NDUFS4: variants seen among roughly 807,000 people sequenced by gnomAD.
The protein encoded by NDUFS4 is NADH:ubiquinone oxidoreductase subunit S4, also known as NADH dehydrogenase [ubiquinone] iron-sulfur protein 4, mitochondrial.
Under a neutral mutation model 24.3 loss-of-function variants are expected in NDUFS4, and 28 were observed. The observed-to-expected ratio is 1.15, with a 90% CI of 0.85 to 1.58. The LOEUF (loss-of-function observed/expected upper bound fraction) is 1.58. Ranked by LOEUF, NDUFS4 falls within the 40% of genes most tolerant of loss-of-function variation. NDUFS4 has a pLI of 0.00. For missense variants in NDUFS4, 223 were observed against 207.9 expected, an observed-to-expected ratio of 1.07 and a Z score of -0.45; for synonymous variants, 93 against 69.7, an observed-to-expected ratio of 1.34 and a Z score of -1.67.
rs552844341 is a variant in NDUFS4, at chr5:53,622,188, G to A, written c.177+18658G>A. On this transcript the variant is annotated intron_variant, in intron 2 of 4. Transcript: ENST00000296684. ...AGAGCCTTATTTAACATGTCTTACA[G>A]TGCTGTTCTGTTGGGCAGAAATCTC... 2.6e-5 allele frequency among the ~76,000 whole-genome samples: 4 copies of A among 152,090 alleles called. No individual in the cohort carries two copies. In the South Asian group the frequency reaches 6.2e-4, roughly 24 times the overall value.
At chr5:53,619,167 A>C (rs1750947390) in intron 2 of NDUFS4, among the ~76,000 whole-genome samples, 2 of 150,228 alleles carry the variant, frequency 1.3e-5, no homozygotes, top group Admixed American at 6.7e-5. Context: ...TAAGGCATAG[A>C]CATATCAAAA....
chr5:53,592,662 T>A (rs1042931283), intron 1 of NDUFS4, among the ~76,000 whole-genome samples: 1 of 152,228 alleles, frequency 6.6e-6, no homozygotes, highest in African/African-American at 2.4e-5. Context: ...CATTATTGGA[T>A]TGCCCTTGTT....
rs563891595 is a variant in NDUFS4, at chr5:53,625,098, A to C, written c.178-21135A>C. ...GTAGCTGGGAATATAGGCACACACC[A>C]CTATACCCAGATAGTTTTGGCTTTA... On this transcript the variant is annotated intron_variant, in intron 2 of 4. Coordinates refer to ENST00000296684, the MANE Select transcript of NDUFS4 (RefSeq NM_002495.4). Among the ~76,000 whole-genome samples, 12 of 152,078 alleles carry C rather than the reference A, an allele frequency of 7.9e-5. No individual in the cohort carries two copies. In the South Asian group the frequency reaches 2.5e-3, roughly 32 times the overall value.
intron 2 of NDUFS4, among the ~76,000 whole-genome samples, chr5:53,606,872 A>G (rs1238902101): frequency 6.6e-6 from 1 of 152,264 alleles, no homozygotes; most frequent in African/African-American, 2.4e-5. Context: ...TAGTATTTGC[A>G]TATAACCTAT....
chr5:53,614,666 A>G (rs536663488), intron 2 of NDUFS4, among the ~76,000 whole-genome samples: 3 of 152,130 alleles, frequency 2.0e-5, no homozygotes, highest in Non-Finnish European at 4.4e-5. Flanking sequence ...ATAGACCTGT[A>G]GTATGCTAGT....
chr5:53,587,327 T>A (rs372327097), intron 1 of NDUFS4, among the ~76,000 whole-genome samples: 151 of 152,284 alleles, frequency 9.9e-4, no homozygotes, highest in African/African-American at 3.5e-3. Flanking sequence ...TTGCTTTCAA[T>A]TTTTTAACTT....
intron 4 of NDUFS4, among the ~76,000 whole-genome samples, chr5:53,679,662 G>A (rs1487881517): frequency 2.0e-5 from 3 of 152,198 alleles, no homozygotes; most frequent in Non-Finnish European, 4.4e-5. Context: ...GGGTAATTGA[G>A]TGAATGAGAG....
At chr5:53,678,913 A>G (rs903259738) in intron 4 of NDUFS4, among the ~76,000 whole-genome samples, 4 of 152,106 alleles carry the variant, frequency 2.6e-5, no homozygotes, top group African/African-American at 4.8e-5. Context: ...AGTAACCTTT[A>G]CATTCGAGTA....
chr5:53,651,423 C>A (rs1361782458), intron 3 of NDUFS4, among the ~76,000 whole-genome samples: 1 of 151,796 alleles, frequency 6.6e-6, no homozygotes, highest in Non-Finnish European at 1.5e-5. Context: ...AAGAAATAAA[C>A]CTGTGTCCCA....
intron 1 of NDUFS4, among the ~76,000 whole-genome samples, chr5:53,579,216 A>G (rs1331357028): frequency 2.0e-5 from 3 of 152,180 alleles, no homozygotes; most frequent in Non-Finnish European, 4.4e-5. Context: ...TCATTGAACT[A>G]TCATTGTTTC....
intron 2 of NDUFS4, among the ~76,000 whole-genome samples, chr5:53,631,510 TC>T (rs1272806160): frequency 2.0e-5 from 3 of 152,182 alleles, no homozygotes; most frequent in Non-Finnish European, 4.4e-5. Flanking sequence ...AGGTGCTCTG[TC>T]CCAGGGGAAT....
chr5:53,659,635 C>T (rs980465272), intron 4 of NDUFS4, among the ~76,000 whole-genome samples: 2 of 152,134 alleles, frequency 1.3e-5, no homozygotes, highest in African/African-American at 4.8e-5. Context: ...TCCTGTTATT[C>T]TAGTTTCTCA....
intron 4 of NDUFS4, among the ~76,000 whole-genome samples, chr5:53,665,704 ATTTTC>A (rs1264800548): frequency 6.6e-6 from 1 of 152,044 alleles, no homozygotes; most frequent in African/African-American, 2.4e-5. Context: ...GAGTGACCCG[ATTTTC>A]CAGGTGCCAT....
chr5:53,647,125 A>C (rs1561384616), intron 3 of NDUFS4, among the ~76,000 whole-genome samples: 1 of 151,418 alleles, frequency 6.6e-6, no homozygotes, highest in Non-Finnish European at 1.5e-5. Flanking sequence ...AACTAGGTCA[A>C]TTTAGAAATT....
intron 2 of NDUFS4, among the ~76,000 whole-genome samples, chr5:53,617,812 A>AC (rs1750893349): frequency 6.6e-6 from 1 of 152,230 alleles, no homozygotes; most frequent in African/African-American, 2.4e-5. Context: ...TACATGGGAT[A>AC]ATGGCAAGAT....
intron 2 of NDUFS4, among the ~76,000 whole-genome samples, chr5:53,606,748 A>G (rs1750524667): frequency 6.6e-6 from 1 of 152,254 alleles, no homozygotes; most frequent in African/African-American, 2.4e-5. Flanking sequence ...ATCTGCCTCC[A>G]TAACCTAATC....
intron 2 of NDUFS4, chr5:53,604,707 C>T (rs1271193743): frequency 2.2e-6 from 1 of 455,102 alleles, no homozygotes; most frequent in Admixed American, 2.4e-5. Flanking sequence ...TGATTTAGCT[C>T]CTGCCTTCCT....
intron 4 of NDUFS4, among the ~76,000 whole-genome samples, chr5:53,667,085 A>G (rs952021154): frequency 6.6e-6 from 1 of 152,200 alleles, no homozygotes; most frequent in Non-Finnish European, 1.5e-5. Context: ...AACATGTAGC[A>G]TTCTATGTCC....
At chr5:53,612,430 G>A (rs1323194283) in intron 2 of NDUFS4, among the ~76,000 whole-genome samples, 1 of 152,036 alleles carries the variant, frequency 6.6e-6, no homozygotes, top group East Asian at 1.9e-4. Flanking sequence ...AATCTTTTGG[G>A]AGTGTGTGGA....
Sources: gnomAD v4.1 joint callset for allele counts (sites outside exome capture counted in the v4.1 genomes callset) on GRCh38, gnomAD v4.1.1 for gene constraint, MANE v1.5 for transcripts, NCBI Gene and HGNC (gene_info 2026-07-23, HGNC 2026-07-21) for gene names.